The following SORCS2 variants were observed in gnomAD, a reference collection of about 807,000 sequenced individuals.
SORCS2 encodes the protein VPS10 domain-containing receptor SorCS2.
A neutral mutation model predicts 141.6 loss-of-function variants in SORCS2; 100 were observed. The ratio of observed to expected loss-of-function variants is 0.71; its 90% CI spans 0.60 to 0.83. SORCS2 has a LOEUF of 0.83. Ranked by LOEUF, SORCS2 falls within the 40% of genes least tolerant of loss-of-function variation. SORCS2 has a pLI of 0.00. For missense variants in SORCS2, 1,646 were observed against 1,560.2 expected (o/e 1.05, Z -0.93); for synonymous variants, 789 against 676.9 (o/e 1.17, Z -2.57).
chr4:7,433,446 G>T, intron 2 of SORCS2: 1 of 1,545,326 alleles, frequency 6.5e-7, no homozygotes, highest in Non-Finnish European at 8.7e-7. Context: ...ACTGGTCGGT[G>T]CCCAGCAGTG....
chr4:7,433,539 G>C, intron 2 of SORCS2: 6 of 1,610,022 alleles, frequency 3.7e-6, no homozygotes, highest in Non-Finnish European at 5.1e-6. Context: ...CAATGAGCAC[G>C]GGCTCGTACT....
intron 1 of SORCS2, among the ~76,000 whole-genome samples, chr4:7,278,676 C>T (rs1715669663): frequency 6.6e-6 from 1 of 152,200 alleles, no homozygotes; most frequent in Non-Finnish European, 1.5e-5. Flanking sequence ...AGCACATGCG[C>T]TTATGGGGCC....
rs757478148 is a variant in SORCS2, at chr4:7,654,151, C to T, written c.831C>T (p.Asp277=). 6.3e-7 allele frequency: 1 copy of T among 1,581,244 alleles called. No homozygotes were observed. The highest frequency in any genetic ancestry group is 1.8e-5 in the Admixed American group (1 of 54,878). Residue 277 remains aspartate, a synonymous_variant, in exon 5 of 27, where the codon GAC becomes GAT. Transcript: ENST00000507866. ...CCCTAAAGCTCTACGTGTCATCTGACTTGGGGAAAAAGTGGACACTTCTGC... is the reference window on the plus strand; with the variant it reads ...CCCTAAAGCTCTACGTGTCATCTGATTTGGGGAAAAAGTGGACACTTCTGC... ...TKESKLYVSS[D]LGKKWTLLQE...
chr4:7,603,566 C>A (rs1388199760), intron 3 of SORCS2, among the ~76,000 whole-genome samples: 1 of 152,056 alleles, frequency 6.6e-6, no homozygotes, highest in Non-Finnish European at 1.5e-5. Context: ...GTCTTTGGTT[C>A]CTATTCATAT....
rs982107615 is a variant in SORCS2, at chr4:7,732,236, C to G, written c.3109-1086C>G. Among the ~76,000 whole-genome samples the G allele has an allele frequency of 2.6e-5, 4 of 152,176 alleles. No homozygotes were observed. In the East Asian group the frequency reaches 7.7e-4, roughly 29 times the overall value. Reference sequence around the variant, plus strand: ...TCATCAGGGAAATGCTCATTGAAGCCACAGTGAGACATGGCCTCACACCTG... The same window carrying G: ...TCATCAGGGAAATGCTCATTGAAGCGACAGTGAGACATGGCCTCACACCTG... On this transcript the variant is annotated intron_variant, in intron 23 of 26. Transcript: ENST00000507866.
intron 1 of SORCS2, among the ~76,000 whole-genome samples, chr4:7,373,733 C>T (rs1190159297): frequency 6.6e-6 from 1 of 151,492 alleles, no homozygotes; most frequent in Non-Finnish European, 1.5e-5. Context: ...CTCAAGTGAT[C>T]CACCCGCCTC....
At chr4:7,220,291 C>G (rs903165362) in intron 1 of SORCS2, among the ~76,000 whole-genome samples, 1 of 152,116 alleles carries the variant, frequency 6.6e-6, no homozygotes, top group African/African-American at 2.4e-5. Flanking sequence ...GACGGCCACC[C>G]TCTCTCTAGT....
At chr4:7,427,212 C>T (rs779939245) in intron 2 of SORCS2, among the ~76,000 whole-genome samples, 3 of 151,954 alleles carry the variant, frequency 2.0e-5, no homozygotes, top group South Asian at 4.2e-4. Context: ...GGGGGCCTCT[C>T]GGTAGAAGAG....
At chr4:7,433,343 T>G (rs1182499710) in intron 2 of SORCS2, 2 of 1,426,580 alleles carry the variant, frequency 1.4e-6, no homozygotes, top group Admixed American at 6.2e-5. Context: ...TGGAGGTGCA[T>G]CTCTTTCCAT....
At chr4:7,443,151 T>G (rs1319060783) in intron 2 of SORCS2, among the ~76,000 whole-genome samples, 3 of 152,202 alleles carry the variant, frequency 2.0e-5, no homozygotes, top group Non-Finnish European at 4.4e-5. Flanking sequence ...AGCTCCAAAT[T>G]ATGTCAGATC....
intron 2 of SORCS2, among the ~76,000 whole-genome samples, chr4:7,493,881 C>T (rs1452289545): frequency 6.6e-6 from 1 of 152,206 alleles, no homozygotes; most frequent in East Asian, 1.9e-4. Context: ...TGACGTGATA[C>T]ACCCTCGAAA....
Position 7,669,629 on chromosome 4 carries a change from CTCTT to C in SORCS2, c.1161+2418_1161+2421del, listed in dbSNP as rs369051972. 4.6e-3 allele frequency among the ~76,000 whole-genome samples: 700 copies of C among 152,314 alleles called. 5 individuals are homozygous for C. Among genetic ancestry groups the C allele is most frequent in the African/African-American group, 0.016 (649 of 41,576 alleles). On this transcript the variant is annotated intron_variant, in intron 8 of 26. Coordinates refer to ENST00000507866, the MANE Select transcript of SORCS2 (RefSeq NM_020777.3). ...TTCCTCTTCCCACAGACTCAACTCT[CTCTT>C]TTTTTTCTTTTTATATTTTTAATTG...
chr4:7,609,536 T>C (rs73216631), intron 3 of SORCS2, among the ~76,000 whole-genome samples: 3,314 of 152,344 alleles, frequency 0.022, 63 homozygotes, highest in African/African-American at 0.047. Context: ...CAGTCCTCTC[T>C]CTGCCATGTG....
chr4:7,737,313 C>G, intron 26 of SORCS2, 141 bp downstream of exon 26: 1 of 1,215,910 alleles, frequency 8.2e-7, no homozygotes, highest in Non-Finnish European at 1.1e-6. Flanking sequence ...GCCAGCGGGT[C>G]GGTCGGGCCC....
At chr4:7,682,275 G>A (rs933882749) in intron 9 of SORCS2, among the ~76,000 whole-genome samples, 1 of 152,234 alleles carries the variant, frequency 6.6e-6, no homozygotes, top group Middle Eastern at 3.4e-3. Context: ...GTTTGTATGG[G>A]GATTGAGCTG....
chr4:7,371,623 G>A (rs533893288), intron 1 of SORCS2, among the ~76,000 whole-genome samples: 1 of 152,266 alleles, frequency 6.6e-6, no homozygotes, highest in East Asian at 1.9e-4. Flanking sequence ...TGCCGGCATC[G>A]TGATCTGGAA....
chr4:7,366,101 G>C (rs1224860650), intron 1 of SORCS2, among the ~76,000 whole-genome samples: 1 of 152,202 alleles, frequency 6.6e-6, no homozygotes, highest in East Asian at 1.9e-4. Flanking sequence ...GAGTGCCGGG[G>C]GGTGGGGGGT....
intron 1 of SORCS2, among the ~76,000 whole-genome samples, chr4:7,366,132 C>G (rs1721869586): frequency 6.6e-6 from 1 of 152,174 alleles, no homozygotes; most frequent in Non-Finnish European, 1.5e-5. Context: ...GCTCCCCGCA[C>G]ATCCCTGCCA....
chr4:7,403,997 A>ATATTTTTT (rs1265288820), intron 2 of SORCS2, among the ~76,000 whole-genome samples: 4 of 19,006 alleles, frequency 2.1e-4, no homozygotes, highest in African/African-American at 3.1e-4. Context: ...ATATATATAT[A>ATATTTTTT]TTTTTTTTTT....
Sources: allele counts gnomAD v4.1 joint callset (sites outside exome capture counted in the v4.1 genomes callset), GRCh38; gene constraint gnomAD v4.1.1; transcripts MANE v1.5; gene names NCBI Gene and HGNC (gene_info 2026-07-23, HGNC 2026-07-21).